Variants in TMEM178B observed in about 807,000 individuals in gnomAD.
TMEM178B encodes the protein transmembrane protein 178B.
In TMEM178B, 5 loss-of-function variants were observed where a neutral mutation model predicts 31.0. The observed-to-expected ratio is 0.16, with a 90% CI of 0.08 to 0.34. The LOEUF is 0.34. Among genes scored for constraint, TMEM178B ranks in the 10% least tolerant of loss-of-function variants. TMEM178B has a pLI of 1.00. For synonymous variants in TMEM178B, 164 were observed against 164.0 expected, an observed-to-expected ratio of 1.00 and a Z score of 0.00; for missense variants, 275 against 400.3, an observed-to-expected ratio of 0.69 and a Z score of 2.67.
At chr7:141,419,101 G>T (rs1328430864) in intron 2 of TMEM178B, among the ~76,000 whole-genome samples, 1 of 152,024 alleles carries the variant, frequency 6.6e-6, no homozygotes, top group Non-Finnish European at 1.5e-5. Flanking sequence ...GTAGAGATGG[G>T]ATTTCACCAT....
intron 2 of TMEM178B, among the ~76,000 whole-genome samples, chr7:141,270,334 G>A (rs1044386335): frequency 1.3e-5 from 2 of 152,002 alleles, no homozygotes; most frequent in African/African-American, 4.8e-5. Context: ...ACATCTCTAG[G>A]AAGCATCTGC....
chr7:141,397,498 T>A (rs991180129), intron 2 of TMEM178B, among the ~76,000 whole-genome samples: 5 of 152,120 alleles, frequency 3.3e-5, no homozygotes, highest in African/African-American at 1.2e-4. Flanking sequence ...TTCTCCATAG[T>A]AGGTGACTTG....
intron 2 of TMEM178B, among the ~76,000 whole-genome samples, chr7:141,423,805 G>GTTTTTTTTT (rs5888005): frequency 2.8e-5 from 3 of 108,816 alleles, no homozygotes; most frequent in African/African-American, 3.5e-5. Context: ...TGACATTTGT[G>GTTTTTTTTT]TTTTTTTTTT....
At chr7:141,452,131 A>C (rs77563960) in intron 3 of TMEM178B, among the ~76,000 whole-genome samples, 1 of 152,190 alleles carries the variant, frequency 6.6e-6, no homozygotes, top group Non-Finnish European at 1.5e-5. Flanking sequence ...CTTGTCAACA[A>C]CACCCACCAT....
At chr7:141,255,170 C>T (rs572762231) in intron 2 of TMEM178B, among the ~76,000 whole-genome samples, 7 of 152,090 alleles carry the variant, frequency 4.6e-5, no homozygotes, top group African/African-American at 2.4e-5. Flanking sequence ...CTCATTTTTC[C>T]CTTCTCTTGT....
At chr7:141,208,150 G>A (rs1384934028) in intron 1 of TMEM178B, among the ~76,000 whole-genome samples, 3 of 151,950 alleles carry the variant, frequency 2.0e-5, no homozygotes, top group Non-Finnish European at 4.4e-5. Flanking sequence ...CGATGATTAC[G>A]CCACTGCATG....
intron 2 of TMEM178B, among the ~76,000 whole-genome samples, chr7:141,280,574 G>A (rs1466294241): frequency 6.6e-6 from 1 of 152,160 alleles, no homozygotes; most frequent in Non-Finnish European, 1.5e-5. Context: ...GGAACTGTGA[G>A]TCTGTTAAAC....
At chr7:141,481,153 C>T (rs1329541307), downstream of TMEM178B, among the ~76,000 whole-genome samples, 2 of 152,248 alleles carry the variant, frequency 1.3e-5, no homozygotes, top group East Asian at 1.9e-4. Flanking sequence ...CCGTATGGCG[C>T]TGCTTCTGCC....
At chr7:141,445,574 C>T (rs1332984595) in intron 3 of TMEM178B, among the ~76,000 whole-genome samples, 1 of 152,180 alleles carries the variant, frequency 6.6e-6, no homozygotes, top group Non-Finnish European at 1.5e-5. Context: ...ATATCTCAAA[C>T]TTCATGACTC....
chr7:141,382,180 T>C (rs777072428), intron 2 of TMEM178B, among the ~76,000 whole-genome samples: 12 of 152,210 alleles, frequency 7.9e-5, no homozygotes, highest in Non-Finnish European at 1.2e-4. Context: ...ACAGAAATCA[T>C]GTGTCAGTCC....
At chr7:141,283,542 A>G (rs1253822473) in intron 2 of TMEM178B, among the ~76,000 whole-genome samples, 1 of 152,004 alleles carries the variant, frequency 6.6e-6, no homozygotes. Flanking sequence ...TTTTTTTCTT[A>G]TTCTTCACCT....
chr7:141,258,170 A>G (rs983163721), intron 2 of TMEM178B, among the ~76,000 whole-genome samples: 3 of 150,782 alleles, frequency 2.0e-5, no homozygotes, highest in East Asian at 3.9e-4. Flanking sequence ...TCATATATAT[A>G]TATATATATA....
intron 2 of TMEM178B, among the ~76,000 whole-genome samples, chr7:141,436,310 TGTGCTTGCACGGG>T (rs534993239): frequency 1.1e-3 from 169 of 152,264 alleles, no homozygotes; most frequent in African/African-American, 3.6e-3. Flanking sequence ...CAGCAGCTGG[TGTGCTTGCACGGG>T]GTGTGGATGT....
At chr7:141,503,280 C>A in the TMEM178B span, among the ~76,000 whole-genome samples, 1 of 152,194 alleles carries the variant, frequency 6.6e-6, no homozygotes, top group Non-Finnish European at 1.5e-5. Flanking sequence ...AGTGCTATTA[C>A]TATTGTCATT....
At chr7:141,371,790 C>T (rs1331375919) in intron 2 of TMEM178B, among the ~76,000 whole-genome samples, 1 of 152,128 alleles carries the variant, frequency 6.6e-6, no homozygotes, top group Non-Finnish European at 1.5e-5. Flanking sequence ...CCCATCTGTC[C>T]ACCTACACAA....
At chr7:141,432,106 C>T (rs1327069090) in intron 2 of TMEM178B, among the ~76,000 whole-genome samples, 7 of 146,484 alleles carry the variant, frequency 4.8e-5, no homozygotes, top group African/African-American at 1.8e-4. Context: ...GATATCTGGC[C>T]TCATCTTCCT....
chr7:141,449,404 T>A (rs73510469), intron 3 of TMEM178B, among the ~76,000 whole-genome samples: 5,503 of 152,116 alleles, frequency 0.036, 262 homozygotes, highest in African/African-American at 0.11. Flanking sequence ...GGTTAAAGAC[T>A]GGTAAGAAGT....
the TMEM178B span, among the ~76,000 whole-genome samples, chr7:141,510,713 G>GAAAA: frequency 3.2e-5 from 2 of 61,952 alleles, no homozygotes; most frequent in African/African-American, 1.2e-4. Flanking sequence ...AAAAAAAAAA[G>GAAAA]AAAAAAAAAG....
chr7:141,418,651 G>A lies in TMEM178B; in HGVS notation c.497-18957G>A, dbSNP rs550482956. Reference sequence around the variant, plus strand: ...TTCTTCTTCTTATCCCTTAAATGTCGGTATTCAAATTCTATTCTTACCCTT... The same window carrying A: ...TTCTTCTTCTTATCCCTTAAATGTCAGTATTCAAATTCTATTCTTACCCTT... On this transcript the variant is annotated intron_variant, in intron 2 of 3. Transcript: ENST00000565468. Among the ~76,000 whole-genome samples, 19 of 152,034 alleles carry A rather than the reference G, an allele frequency of 1.2e-4. No homozygotes were observed. In the South Asian group the frequency reaches 1.5e-3, roughly 12 times the overall value.
Sources: gnomAD v4.1 joint callset for allele counts (sites outside exome capture counted in the v4.1 genomes callset) on GRCh38, gnomAD v4.1.1 for gene constraint, MANE v1.5 for transcripts, NCBI Gene and HGNC (gene_info 2026-07-23, HGNC 2026-07-21) for gene names.